Variants in SIL1 observed in about 807,000 individuals in gnomAD.
SIL1 encodes the protein SIL1 nucleotide exchange factor, also known as nucleotide exchange factor SIL1.
A neutral mutation model predicts 49.1 loss-of-function variants in SIL1; 40 were observed. The ratio of observed to expected loss-of-function variants is 0.81; its 90% CI spans 0.63 to 1.06. The LOEUF (loss-of-function observed/expected upper bound fraction) is 1.06. Ranked by LOEUF, SIL1 falls within the 50% of genes least tolerant of loss-of-function variation. The pLI is 0.00. For missense variants in SIL1, 500 were observed against 572.6 expected, an observed-to-expected ratio of 0.87 and a Z score of 1.29; for synonymous variants, 253 against 250.8, an observed-to-expected ratio of 1.01 and a Z score of -0.08.
chr5:139,054,287 T>G (rs2150457177), intron 3 of SIL1, among the ~76,000 whole-genome samples: 1 of 152,284 alleles, frequency 6.6e-6, no homozygotes, highest in South Asian at 2.1e-4. Context: ...GGCATGCTCC[T>G]ATAGTCCTAG....
intron 1 of SIL1, among the ~76,000 whole-genome samples, chr5:139,182,656 C>T (rs892865158): frequency 1.3e-5 from 2 of 152,040 alleles, no homozygotes; most frequent in Non-Finnish European, 2.9e-5. Flanking sequence ...TACAATATAG[C>T]CCTAGAAGGA....
Position 139,073,079 on chromosome 5 carries a change from A to C in SIL1, c.245-22033T>G, listed in dbSNP as rs189521644. On this transcript the variant is annotated intron_variant, in intron 3 of 9. Transcript: ENST00000394817. ...AAAGTGTTGGCAAGGATGTACAGAA[A>C]AGAGAAGCTTTGTACACTGCTGATG... Among the ~76,000 whole-genome samples, 271 of 152,350 alleles carry C rather than the reference A, an allele frequency of 1.8e-3. 1 individual carries two copies. Among genetic ancestry groups the C allele is most frequent in the Middle Eastern group, 3.4e-3 (1 of 294 alleles).
chr5:139,187,509 C>T (rs1446865021), intron 1 of SIL1, among the ~76,000 whole-genome samples: 3 of 136,654 alleles, frequency 2.2e-5, no homozygotes, highest in South Asian at 2.6e-4. Flanking sequence ...CAGAGCAAGA[C>T]TCCATCTTAA....
chr5:139,133,563 G>A (rs979931104), intron 1 of SIL1: 1 of 152,254 alleles, frequency 6.6e-6, no homozygotes, highest in African/African-American at 2.4e-5. Flanking sequence ...AATAAAGGGA[G>A]AGGGAGCAGT....
At chr5:139,011,412 T>A (rs1768268539) in intron 7 of SIL1, among the ~76,000 whole-genome samples, 1 of 152,198 alleles carries the variant, frequency 6.6e-6, no homozygotes, top group Non-Finnish European at 1.5e-5. Flanking sequence ...AATGCAGAAA[T>A]CACCCATCTT....
chr5:139,052,400 G>A (rs1769310516), intron 3 of SIL1, among the ~76,000 whole-genome samples: 1 of 152,128 alleles, frequency 6.6e-6, no homozygotes, highest in Non-Finnish European at 1.5e-5. Context: ...TTATTTTCAA[G>A]GATAAAAAAT....
In SIL1 at chr5:138,948,939, G is replaced by A. The variant is rs536644659; in HGVS notation, c.1030-1466C>T. ...GTTGTCATGCAACACAAAGGCTCCC[G>A]CCAGATGCACCCACCCAATCGTGGA... is the stretch of plus-strand genomic sequence containing the variant. On this transcript the variant is annotated intron_variant, in intron 9 of 9. Coordinates refer to ENST00000394817, the MANE Select transcript of SIL1 (RefSeq NM_022464.5). This position sits in a 1 kb window ranked among gnomAD's most constrained non-coding sequence, Gnocchi z 4.8. 1.3e-5 allele frequency among the ~76,000 whole-genome samples: 2 copies of A among 152,202 alleles called. No homozygotes were observed. The highest frequency in any genetic ancestry group is 1.9e-4 in the East Asian group (1 of 5,176).
chr5:138,955,645 C>T (rs943555011), intron 7 of SIL1, among the ~76,000 whole-genome samples: 3 of 152,216 alleles, frequency 2.0e-5, no homozygotes, highest in African/African-American at 4.8e-5. Context: ...GCACACACCC[C>T]GGGGCTGACT....
At position 139,121,040 on chromosome 5, in the gene SIL1, T is replaced by C. The variant is rs35581768; in HGVS notation, c.239A>G (p.Gln80Arg). 2,424 of 1,614,084 alleles carry C rather than the reference T, an allele frequency of 1.5e-3. 23 individuals carry two copies. In the African/African-American group the frequency reaches 0.022, roughly 15 times the overall value. The change falls in exon 3 of 10, where the codon CAG becomes CGG. Residue 80 changes from glutamine (Q) to arginine (R), a missense_variant. Gln to Arg is a conservative substitution (Grantham distance 43, BLOSUM62 1). Coordinates refer to ENST00000394817, the MANE Select transcript of SIL1 (RefSeq NM_022464.5). ...GACAGGGCTGGGCCTGATACCTGGCTGAAGGGCCTGCCACTCATGCGTCGG... is the reference window on the plus strand; with the variant it reads ...GACAGGGCTGGGCCTGATACCTGGCCGAAGGGCCTGCCACTCATGCGTCGG... ...FHPTHEWQAL[Q>R]PGQAVPAGSH...
At chr5:139,073,251 C>T (rs1376715682) in intron 3 of SIL1, among the ~76,000 whole-genome samples, 1 of 152,218 alleles carries the variant, frequency 6.6e-6, no homozygotes, top group Non-Finnish European at 1.5e-5. Context: ...GACGTCTGCA[C>T]TCCCATGTTT....
At chr5:139,194,655 C>T (rs971330738) in intron 1 of SIL1, among the ~76,000 whole-genome samples, 9 of 152,240 alleles carry the variant, frequency 5.9e-5, no homozygotes, top group African/African-American at 1.9e-4. Context: ...TGCTACAGAG[C>T]GTGATCCAAG....
At chr5:139,081,625 T>G (rs1770082363) in intron 3 of SIL1, among the ~76,000 whole-genome samples, 2 of 152,242 alleles carry the variant, frequency 1.3e-5, no homozygotes, top group Admixed American at 1.3e-4. Context: ...ACACCTGTAA[T>G]CCCAGCACTC....
At chr5:139,195,678 T>C (rs1274446940) in intron 1 of SIL1, among the ~76,000 whole-genome samples, 3 of 152,180 alleles carry the variant, frequency 2.0e-5, no homozygotes, top group East Asian at 1.9e-4. Context: ...TGAGCCACCA[T>C]GCCCGGCCCT....
chr5:138,975,841 C>A (rs551317045), intron 7 of SIL1, among the ~76,000 whole-genome samples: 1 of 152,338 alleles, frequency 6.6e-6, no homozygotes, highest in Admixed American at 6.5e-5. Context: ...AAACTGGAAG[C>A]AGATTCTCAT....
intron 1 of SIL1, among the ~76,000 whole-genome samples, chr5:139,166,895 G>A (rs1041156034): frequency 3.3e-5 from 5 of 152,134 alleles, no homozygotes; most frequent in Admixed American, 3.3e-4. Context: ...TGCAAGCTCT[G>A]CCTCCCAAGT....
chr5:139,181,829 G>T (rs2151819985), intron 1 of SIL1, among the ~76,000 whole-genome samples: 1 of 152,298 alleles, frequency 6.6e-6, no homozygotes, highest in South Asian at 2.1e-4. Flanking sequence ...TTCTTTAACT[G>T]CAGACTATCA....
At chr5:139,097,575 T>C (rs1770497065) in intron 3 of SIL1, among the ~76,000 whole-genome samples, 1 of 151,458 alleles carries the variant, frequency 6.6e-6, no homozygotes, top group South Asian at 2.1e-4. Context: ...CCTCCCCAGT[T>C]CAAGCAATTC....
At chr5:138,971,836 T>C (rs1767286100) in intron 7 of SIL1, among the ~76,000 whole-genome samples, 1 of 152,206 alleles carries the variant, frequency 6.6e-6, no homozygotes, top group Non-Finnish European at 1.5e-5. Flanking sequence ...CCCCACAACC[T>C]GGCTTGAAGG....
intron 7 of SIL1, among the ~76,000 whole-genome samples, chr5:138,965,285 G>A (rs926661497): frequency 1.3e-5 from 2 of 152,168 alleles, no homozygotes; most frequent in African/African-American, 4.8e-5. Flanking sequence ...GGTTTGTGGG[G>A]TGCTGAGCAG....
Sources: gnomAD v4.1 joint callset for allele counts (sites outside exome capture counted in the v4.1 genomes callset) on GRCh38, gnomAD v4.1.1 for gene constraint, Gnocchi (gnomAD v3.1) non-coding constraint, MANE v1.5 for transcripts, NCBI Gene and HGNC (gene_info 2026-07-23, HGNC 2026-07-21) for gene names.